NUP43: variants seen among roughly 807,000 people sequenced by gnomAD.
The protein encoded by NUP43 is nucleoporin Nup43.
A neutral mutation model predicts 47.3 loss-of-function variants in NUP43; 32 were observed. The ratio of observed to expected loss-of-function variants is 0.68; its 90% CI spans 0.51 to 0.91. The LOEUF is 0.91. NUP43 is among the 40% of genes least tolerant of loss of function. The pLI is 0.00. For missense variants in NUP43, 444 were observed against 453.9 expected (o/e 0.98, Z 0.20); for synonymous variants, 147 against 158.4 (o/e 0.93, Z 0.54).
Position 149,725,298 on chromosome 6 carries a change from C to G in NUP43, c.*1671G>C, listed in dbSNP as rs976413141. 5 of 152,088 alleles carry G rather than the reference C, an allele frequency of 3.3e-5. No homozygotes were observed. Among genetic ancestry groups the G allele is most frequent in the African/African-American group, 1.2e-4 (5 of 41,396 alleles). The allele number at this position is 152,088 out of a possible 1,614,324, so 9.4% of individuals were successfully genotyped here. A position where few individuals can be genotyped will look rare whatever the true frequency, so the allele number is the denominator to read the frequency against. On this transcript the variant is annotated 3_prime_UTR_variant, in exon 8 of 8. Coordinates refer to ENST00000340413, the MANE Select transcript of NUP43 (RefSeq NM_198887.3). ...ACATGGTGAAACCCTGTCGTCTCTA[C>G]TAATACAAAAATCAGCCGGGAGCAG...
chr6:149,737,836 A>T (rs1317425232), intron 5 of NUP43, among the ~76,000 whole-genome samples: 1 of 152,064 alleles, frequency 6.6e-6, no homozygotes, highest in Non-Finnish European at 1.5e-5. Context: ...GTCTATAGGC[A>T]CGTGCCACCA....
In NUP43 at chr6:149,736,505, C is replaced by A; in HGVS notation, c.756G>T (p.Met252Ile). The A allele has an allele frequency of 6.2e-7, 1 of 1,609,808 alleles. No homozygotes were observed. The highest frequency in any genetic ancestry group is 1.1e-5 in the South Asian group (1 of 90,840). ...CATGAGCCTTCAGCAGAGATACAGG[C>A]ATAGTACCTTGTCTAACATCCCAAA... The part of the protein sequence containing the change: ...LSIWDVRQGT[M>I]PVSLLKAHEA... The change falls in exon 6 of 8, where the codon ATG (methionine) becomes ATT (isoleucine). Residue 252 changes from methionine (M) to isoleucine (I), a missense_variant. Transcript: ENST00000340413.
chr6:149,727,681 T>C, intron 7 of NUP43: 1 of 869,320 alleles, frequency 1.2e-6, no homozygotes, highest in Non-Finnish European at 1.4e-6. Context: ...TTACTATATT[T>C]CTTAAAATAT....
At chr6:149,748,665 C>T (rs545868911), upstream of NUP43, among the ~76,000 whole-genome samples, 86 of 151,664 alleles carry the variant, frequency 5.7e-4, no homozygotes, top group African/African-American at 1.9e-3. Context: ...AAAAATTAGC[C>T]GGGCGTGGTG....
rs750224866 is a variant in NUP43 at position 149,727,098 on chromosome 6, G to A, written c.1014C>T (p.Asp338=). Residue 338 remains aspartate (D), a synonymous_variant, in exon 8 of 8, where the codon GAC becomes GAT. Transcript: ENST00000340413. Reference sequence around the variant, plus strand: ...GAAGTAAGCTTGTGATTTCAATTCGGTCTTTTGCAGGATCAGTGCTGAGCC... The same window carrying A: ...GAAGTAAGCTTGTGATTTCAATTCGATCTTTTGCAGGATCAGTGCTGAGCC... The part of the protein sequence containing the change: ...SSWLSTDPAK[D]RIEITSLLPS... 3 of 1,614,022 alleles carry A rather than the reference G, an allele frequency of 1.9e-6. No homozygotes were observed. The Admixed American group carries it at 5.0e-5, about 27-fold the overall frequency.
At chr6:149,741,709 G>A (rs1025672505) in intron 4 of NUP43, among the ~76,000 whole-genome samples, 1 of 151,820 alleles carries the variant, frequency 6.6e-6, no homozygotes, top group African/African-American at 2.4e-5. Flanking sequence ...TTTTCACCAC[G>A]TTGGCCAGGA....
chr6:149,736,782 T>C (rs560870449), intron 5 of NUP43, among the ~76,000 whole-genome samples, 160 bp from the exon 6 acceptor site: 2 of 152,200 alleles, frequency 1.3e-5, no homozygotes, highest in Non-Finnish European at 2.9e-5. Flanking sequence ...TCAAACTCCC[T>C]GGGCTCAGGT....
rs188201929 is a variant in NUP43 at position 149,745,926 on chromosome 6, C to T, written c.243+14G>A. ...GACTTTCAAAGTTAGCTTTTGGATG[C>T]TACACAGATTTACCTGTAAATCCAT... On this transcript the variant is annotated intron_variant, in intron 2 of 7. Transcript: ENST00000340413. 6.9e-6 allele frequency: 11 copies of T among 1,600,082 alleles called. No homozygotes were observed. In the Admixed American group the frequency reaches 1.2e-4, roughly 18 times the overall value.
chr6:149,736,397 C>T (rs1384327561), intron 6 of NUP43, 74 bp downstream of exon 6: 1 of 1,016,280 alleles, frequency 9.8e-7, no homozygotes, highest in African/African-American at 1.6e-5. Flanking sequence ...CCACATGTAT[C>T]ATTATGGAAA....
At chr6:149,742,345 A>C in intron 4 of NUP43, 45 bp downstream of exon 4, 1 of 1,572,122 alleles carries the variant, frequency 6.4e-7, no homozygotes, top group Non-Finnish European at 8.7e-7. Flanking sequence ...TATTTTTAGA[A>C]GAGACTAGGT....
intron 4 of NUP43, among the ~76,000 whole-genome samples, chr6:149,739,609 G>A (rs923591253): frequency 2.0e-5 from 3 of 152,142 alleles, no homozygotes; most frequent in African/African-American, 7.2e-5. Context: ...CTAAATGGAA[G>A]GCTGAGTTTT....
intron 7 of NUP43, 101 bp downstream of exon 7, chr6:149,731,512 G>A: frequency 2.8e-6 from 3 of 1,063,984 alleles, no homozygotes; most frequent in Non-Finnish European, 4.0e-6. Flanking sequence ...GCAGTGAGCT[G>A]AGATCGTGCC....
intron 7 of NUP43, among the ~76,000 whole-genome samples, chr6:149,730,911 C>T (rs1396386751): frequency 2.0e-5 from 3 of 151,594 alleles, no homozygotes; most frequent in African/African-American, 7.3e-5. Context: ...GCAGTCCAGC[C>T]TGCATGTCAG....
upstream of NUP43, among the ~76,000 whole-genome samples, chr6:149,747,913 T>C (rs1786097165): frequency 1.3e-5 from 2 of 152,260 alleles, no homozygotes; most frequent in Admixed American, 1.3e-4. Flanking sequence ...CTTTTTTCTT[T>C]TCTCCAAATG....
rs1348684446 is a variant in NUP43, at chr6:149,725,367, G to A, written c.*1602C>T. 1 of 152,182 alleles carries A rather than the reference G, an allele frequency of 6.6e-6. No individual in the cohort carries two copies. Among genetic ancestry groups the A allele is most frequent in the East Asian group, 1.9e-4 (1 of 5,184 alleles). The allele number at this position is 152,182 out of a possible 1,614,324, so 9.4% of individuals were successfully genotyped here. On this transcript the variant is annotated 3_prime_UTR_variant, in exon 8 of 8. Transcript: ENST00000340413. ...CCAGCATTTTGGGAGGCTGAGGCAG[G>A]TGGATCATGAGGTCAGTTCAAGACC... is the stretch of plus-strand genomic sequence containing the variant.
At position 149,738,609 on chromosome 6, in the gene NUP43, GATTAC is replaced by G. The variant is rs781022072; in HGVS notation, c.638+29_638+33del. ...AAACAACCTAACACATTAATTTGTG[GATTAC>G]ATTACTGAAATTACAAATCAACACT... On this transcript the variant is annotated intron_variant, in intron 5 of 7. Transcript: ENST00000340413. 168 of 1,459,510 alleles carry G rather than the reference GATTAC, an allele frequency of 1.2e-4. 1 individual carries two copies. The Middle Eastern group carries it at 1.2e-3, about 10-fold the overall frequency. 90.4% of individuals were successfully genotyped at this position (1,459,510 alleles called of 1,614,324 possible).
intron 5 of NUP43, among the ~76,000 whole-genome samples, chr6:149,737,546 G>A (rs185570647): frequency 6.6e-6 from 1 of 152,306 alleles, no homozygotes; most frequent in East Asian, 1.9e-4. Flanking sequence ...TTACAGGCAT[G>A]AGTCACCATG....
chr6:149,736,990 TTTTG>T (rs1358473547), intron 5 of NUP43, among the ~76,000 whole-genome samples: 1 of 152,122 alleles, frequency 6.6e-6, no homozygotes, highest in Non-Finnish European at 1.5e-5. Flanking sequence ...GCCTGTTTTT[TTTTG>T]TTTATTTTTT....
intron 7 of NUP43, among the ~76,000 whole-genome samples, chr6:149,730,053 A>G (rs1784955550): frequency 6.7e-6 from 1 of 148,762 alleles, no homozygotes; most frequent in Non-Finnish European, 1.5e-5. Context: ...TTTGCTATCC[A>G]GGCTGGAGTG....
Sources: allele counts gnomAD v4.1 joint callset (sites outside exome capture counted in the v4.1 genomes callset), GRCh38; gene constraint gnomAD v4.1.1; transcripts MANE v1.5; gene names NCBI Gene and HGNC (gene_info 2026-07-23, HGNC 2026-07-21).